Variants in TRIM5 observed in about 807,000 individuals in gnomAD.
TRIM5 encodes tripartite motif containing 5, also known as tripartite motif-containing protein 5.
TRIM5 carries 31 observed loss-of-function variants against 35.6 expected under a neutral mutation model. That is an observed-to-expected ratio of 0.87 (90% CI 0.65 to 1.18). The LOEUF is 1.18. TRIM5 is among the 50% of genes most tolerant of loss of function. The pLI is 0.00. For synonymous variants in TRIM5, 243 were observed against 215.6 expected, an observed-to-expected ratio of 1.13 and a Z score of -1.11; for missense variants, 609 against 591.6, an observed-to-expected ratio of 1.03 and a Z score of -0.31.
the TRIM5 span, among the ~76,000 whole-genome samples, chr11:5,639,821 G>C: frequency 2.0e-5 from 3 of 151,056 alleles, no homozygotes; most frequent in African/African-American, 7.3e-5. Context: ...CAATATAGAA[G>C]CTTTTTTAAA....
chr11:5,668,089 T>A (rs1843079225), intron 4 of TRIM5, among the ~76,000 whole-genome samples: 1 of 152,072 alleles, frequency 6.6e-6, no homozygotes, highest in African/African-American at 2.4e-5. Flanking sequence ...CAACATAGCA[T>A]GACCGCATCT....
At chr11:5,600,524 C>T in the TRIM5 span, among the ~76,000 whole-genome samples, 1 of 152,126 alleles carries the variant, frequency 6.6e-6, no homozygotes, top group Non-Finnish European at 1.5e-5. Flanking sequence ...CTTATGCTTA[C>T]ATCCCATGAC....
chr11:5,603,095 G>A, the TRIM5 span: 3 of 1,343,812 alleles, frequency 2.2e-6, no homozygotes, highest in Non-Finnish European at 3.0e-6. Flanking sequence ...TGCCTTGTAT[G>A]AGCCGGGATA....
the TRIM5 span, chr11:5,643,396 A>G: frequency 6.2e-7 from 1 of 1,614,146 alleles, no homozygotes; most frequent in Non-Finnish European, 8.5e-7. Flanking sequence ...GCAAATCGTC[A>G]AAATCTTTAC....
the TRIM5 span, among the ~76,000 whole-genome samples, chr11:5,630,161 G>C: frequency 6.6e-6 from 1 of 152,126 alleles, no homozygotes; most frequent in African/African-American, 2.4e-5. Context: ...TTTGTTACAA[G>C]AGTCTCAATC....
chr11:5,660,950 G>A (rs957940997), downstream of TRIM5, among the ~76,000 whole-genome samples: 6 of 147,334 alleles, frequency 4.1e-5, no homozygotes, highest in South Asian at 2.2e-4. Context: ...ACTGAGGCAG[G>A]AGAATGGCGT....
At chr11:5,616,313 C>T in the TRIM5 span, among the ~76,000 whole-genome samples, 4 of 145,058 alleles carry the variant, frequency 2.8e-5, no homozygotes, top group Non-Finnish European at 4.6e-5. Flanking sequence ...AAGAGCGAAA[C>T]ACTGTCTCAA....
At chr11:5,677,865 A>C (rs1277547762) in intron 4 of TRIM5, 3 of 196,768 alleles carry the variant, frequency 1.5e-5, no homozygotes, top group African/African-American at 4.6e-5. Flanking sequence ...TTGTATTTTG[A>C]CGTGTATTTG....
chr11:5,607,335 A>C, the TRIM5 span, among the ~76,000 whole-genome samples: 2 of 152,224 alleles, frequency 1.3e-5, no homozygotes, highest in Non-Finnish European at 2.9e-5. Context: ...CCACAATGTA[A>C]GATTGATACA....
At chr11:5,592,844 G>A in the TRIM5 span, among the ~76,000 whole-genome samples, 5 of 147,650 alleles carry the variant, frequency 3.4e-5, no homozygotes, top group Admixed American at 3.4e-4. Context: ...TTGAGCCCGA[G>A]AGTTTGTGGC....
At chr11:5,596,975 G>A in the TRIM5 span, 2 of 1,613,218 alleles carry the variant, frequency 1.2e-6, no homozygotes, top group Admixed American at 3.3e-5. Flanking sequence ...TGACAGGGCA[G>A]TGAAAGAGAT....
chr11:5,679,648 T>C (rs561320785), intron 2 of TRIM5, 113 bp downstream of exon 2: 13 of 1,185,652 alleles, frequency 1.1e-5, no homozygotes, highest in South Asian at 1.7e-5. Context: ...ATGAAAAAAA[T>C]AATCCCGGGT....
chr11:5,633,755 A>G, the TRIM5 span: 78 of 1,569,022 alleles, frequency 5.0e-5, no homozygotes, highest in Non-Finnish European at 6.6e-5. Context: ...CTCTATCCAG[A>G]TACTAAGAAA....
chr11:5,653,653 G>T, the TRIM5 span, among the ~76,000 whole-genome samples: 25 of 151,730 alleles, frequency 1.6e-4, no homozygotes, highest in African/African-American at 5.6e-4. Context: ...CACCATGCCC[G>T]ACTAATTTTT....
chr11:5,603,659 GC>G, the TRIM5 span: 28 of 1,613,498 alleles, frequency 1.7e-5, 1 homozygote, highest in Non-Finnish European at 1.6e-5. Context: ...AAGGTCATTT[GC>G]TGGCTTTGTG....
chr11:5,641,452 A>C, the TRIM5 span, among the ~76,000 whole-genome samples: 1 of 152,220 alleles, frequency 6.6e-6, no homozygotes, highest in Non-Finnish European at 1.5e-5. Flanking sequence ...TTTTACTGTC[A>C]GACTTCGGTG....
At chr11:5,600,032 T>C in the TRIM5 span, among the ~76,000 whole-genome samples, 1 of 152,212 alleles carries the variant, frequency 6.6e-6, no homozygotes, top group Non-Finnish European at 1.5e-5. Flanking sequence ...ACAGGTGTGA[T>C]TAATTTGGTT....
At chr11:5,634,250 G>A in the TRIM5 span, among the ~76,000 whole-genome samples, 1 of 152,066 alleles carries the variant, frequency 6.6e-6, no homozygotes, top group Non-Finnish European at 1.5e-5. Flanking sequence ...AAGGCAGGCA[G>A]TCATGAATAT....
the TRIM5 span, among the ~76,000 whole-genome samples, chr11:5,618,950 A>G: frequency 6.6e-6 from 1 of 152,234 alleles, no homozygotes; most frequent in Non-Finnish European, 1.5e-5. Flanking sequence ...ATTTTATATC[A>G]CTCACATGAG....
Sources: gnomAD v4.1 joint callset for allele counts (sites outside exome capture counted in the v4.1 genomes callset) on GRCh38, gnomAD v4.1.1 for gene constraint, MANE v1.5 for transcripts, NCBI Gene and HGNC (gene_info 2026-07-23, HGNC 2026-07-21) for gene names.